The following PMM2 variants were observed in gnomAD, a reference collection of about 807,000 sequenced individuals.
PMM2 encodes phosphomannomutase 2, also known as mannose-6-phosphate isomerase.
A neutral mutation model predicts 33.2 loss-of-function variants in PMM2; 35 were observed. The ratio of observed to expected loss-of-function variants is 1.06; its 90% CI spans 0.81 to 1.40. The LOEUF (loss-of-function observed/expected upper bound fraction) is 1.40, where lower values mean the gene tolerates loss of function less well. Among genes scored for constraint, PMM2 ranks in the 40% most tolerant of loss-of-function variants. The pLI, the probability that PMM2 is intolerant of heterozygous loss-of-function variation, is 0.00. For missense variants in PMM2, 386 were observed against 306.0 expected (o/e 1.26, Z -1.95); for synonymous variants, 153 against 114.7 (o/e 1.33, Z -2.13).
intron 7 of PMM2, among the ~76,000 whole-genome samples, chr16:8,816,299 T>A: frequency 6.6e-6 from 1 of 151,868 alleles, no homozygotes; most frequent in Non-Finnish European, 1.5e-5. Flanking sequence ...GCTAATTTTG[T>A]ATTTTTAGTA....
At position 8,847,856 on chromosome 16, in the gene PMM2, G is replaced by A. The variant is rs1443641886; in HGVS notation, c.*31G>A. The A allele has an allele frequency of 1.3e-6, 2 of 1,544,002 alleles. No homozygotes were observed. Among genetic ancestry groups the A allele is most frequent in the African/African-American group, 1.4e-5 (1 of 73,574 alleles). On this transcript the variant is annotated 3_prime_UTR_variant, in exon 8 of 8. Coordinates refer to ENST00000268261, the MANE Select transcript of PMM2 (RefSeq NM_000303.3). Reference sequence around the variant, plus strand: ...GAGCGGGAGGGGCGGGGTCCCGGCTGACAAGCCAGCATAGGGCATTCGGTG... The same window carrying A: ...GAGCGGGAGGGGCGGGGTCCCGGCTAACAAGCCAGCATAGGGCATTCGGTG...
At chr16:8,832,213 A>G (rs2060814328) in intron 7 of PMM2, 1 of 985,308 alleles carries the variant, frequency 1.0e-6, no homozygotes, top group Non-Finnish European at 1.2e-6. Context: ...AAAGAAGCAG[A>G]CCCTTGGCGG....
At chr16:8,820,550 C>T (rs1258231387) in intron 7 of PMM2, among the ~76,000 whole-genome samples, 1 of 152,116 alleles carries the variant, frequency 6.6e-6, no homozygotes, top group Non-Finnish European at 1.5e-5. Flanking sequence ...GACGGGGTTT[C>T]ACCATCTTGG....
At chr16:8,812,025 T>C (rs1426612957) in intron 6 of PMM2, among the ~76,000 whole-genome samples, 1 of 152,186 alleles carries the variant, frequency 6.6e-6, no homozygotes, top group African/African-American at 2.4e-5. Flanking sequence ...TAGGAACTTC[T>C]CACACCTTTG....
At chr16:8,830,180 C>T (rs78869229) in intron 7 of PMM2, among the ~76,000 whole-genome samples, 1,814 of 152,254 alleles carry the variant, frequency 0.012, 36 homozygotes, top group African/African-American at 0.039. Context: ...ACTAGGTGGC[C>T]GCCTGGGCTG....
chr16:8,818,736 T>C (rs4247100), intron 7 of PMM2, among the ~76,000 whole-genome samples: 122,011 of 151,274 alleles, frequency 0.81, 49,857 homozygotes, highest in East Asian at 0.97. Flanking sequence ...TGGCCGTTGC[T>C]TTTCAAAATA....
At chr16:8,805,224 C>G (rs534650564) in intron 3 of PMM2, among the ~76,000 whole-genome samples, 2 of 152,260 alleles carry the variant, frequency 1.3e-5, no homozygotes, top group Admixed American at 1.3e-4. Context: ...CACGCCACCA[C>G]ACCCAGCTAA....
intron 7 of PMM2, among the ~76,000 whole-genome samples, chr16:8,839,274 GT>G (rs1345669401): frequency 6.6e-6 from 1 of 151,902 alleles, no homozygotes; most frequent in African/African-American, 2.4e-5. Flanking sequence ...GTAGACACAT[GT>G]TAGGTAAAGG....
At chr16:8,818,723 C>T (rs767370780) in intron 7 of PMM2, among the ~76,000 whole-genome samples, 7 of 152,292 alleles carry the variant, frequency 4.6e-5, no homozygotes, top group Admixed American at 2.6e-4. Context: ...GGAAGTGTGG[C>T]GTTGGCCGTT....
chr16:8,818,885 G>T (rs67792030), intron 7 of PMM2, among the ~76,000 whole-genome samples: 23,496 of 152,140 alleles, frequency 0.15, 1,979 homozygotes, highest in East Asian at 0.24. Context: ...GAGAGAGACG[G>T]CAAGGGCAGA....
At chr16:8,837,092 G>C (rs1269337069) in intron 7 of PMM2, among the ~76,000 whole-genome samples, 1 of 151,868 alleles carries the variant, frequency 6.6e-6, no homozygotes, top group Non-Finnish European at 1.5e-5. Flanking sequence ...CTGTAGAAAA[G>C]GAATATTAGA....
In PMM2 at chr16:8,806,364, T is replaced by C; in HGVS notation, c.304T>C (p.Tyr102His). 1 of 1,613,496 alleles carries C rather than the reference T, an allele frequency of 6.2e-7. No homozygotes were observed. The highest frequency in any genetic ancestry group is 8.5e-7 in the Non-Finnish European group (1 of 1,179,382). ...GGCCCTAATCCAAGATTTAATCAAC[T>C]ACTGTCTGAGCTACATTGCGAAAAT... The part of the protein sequence containing the change: ...GEALIQDLIN[Y>H]CLSYIAKIKL... Residue 102 changes from tyrosine to histidine, a missense_variant, in exon 4 of 8, where the codon TAC becomes CAC. Physicochemically the swap from Tyr to His is moderately conservative, Grantham distance 83. Coordinates refer to ENST00000268261, the MANE Select transcript of PMM2 (RefSeq NM_000303.3).
At chr16:8,823,454 T>C (rs993803659) in intron 7 of PMM2, among the ~76,000 whole-genome samples, 1 of 152,186 alleles carries the variant, frequency 6.6e-6, no homozygotes, top group African/African-American at 2.4e-5. Context: ...TTGAAACACT[T>C]TTTTCCCTCT....
At position 8,804,770 on chromosome 16, in the gene PMM2, T is replaced by C. The variant is rs761444777; in HGVS notation, c.182T>C (p.Val61Ala). 7 of 1,611,792 alleles carry C rather than the reference T, an allele frequency of 4.3e-6. No homozygotes were observed. The East Asian group carries it at 1.6e-4, about 36-fold the overall frequency. Residue 61 changes from valine to alanine, a missense_variant, in exon 3 of 8, where the codon GTT becomes GCT. Val to Ala is a moderately conservative substitution (Grantham distance 64, BLOSUM62 0). Coordinates refer to ENST00000268261, the MANE Select transcript of PMM2 (RefSeq NM_000303.3). ...KVQEQLGNDV[V>A]EKYDYVFPEN... is the part of the protein sequence containing the mutation. Reference sequence around the variant, plus strand: ...GTTTTTTTGGTTTTGATTGTAGTGGTTGAAAAATACGATTATGTGTTTCCA... The same window carrying C: ...GTTTTTTTGGTTTTGATTGTAGTGGCTGAAAAATACGATTATGTGTTTCCA...
intron 6 of PMM2, among the ~76,000 whole-genome samples, chr16:8,812,706 T>C (rs1216328590): frequency 1.3e-5 from 2 of 152,204 alleles, no homozygotes; most frequent in African/African-American, 2.4e-5. Context: ...CATGCTTCCT[T>C]TAAACCACAC....
intron 7 of PMM2, chr16:8,842,314 T>C (rs1166612127): frequency 6.6e-6 from 1 of 152,264 alleles, no homozygotes; most frequent in African/African-American, 2.4e-5. Context: ...GGAGCAGAAG[T>C]GTGTCTTGTT....
chr16:8,801,485 A>G (rs1481711830), intron 1 of PMM2, among the ~76,000 whole-genome samples: 7 of 152,194 alleles, frequency 4.6e-5, no homozygotes, highest in Admixed American at 4.6e-4. Flanking sequence ...GGCCTGGGCA[A>G]CATGGCAAAA....
At chr16:8,826,742 T>C (rs1312874187) in intron 7 of PMM2, among the ~76,000 whole-genome samples, 1 of 152,212 alleles carries the variant, frequency 6.6e-6, no homozygotes, top group Admixed American at 6.5e-5. Flanking sequence ...ATTATAAATA[T>C]ATAGACCGAA....
intron 7 of PMM2, among the ~76,000 whole-genome samples, chr16:8,830,783 A>C (rs1405953104): frequency 6.6e-6 from 1 of 152,254 alleles, no homozygotes; most frequent in Non-Finnish European, 1.5e-5. Flanking sequence ...CTACAAAGGC[A>C]GACTGGTCCC....
Sources: allele counts gnomAD v4.1 joint callset (sites outside exome capture counted in the v4.1 genomes callset), GRCh38; gene constraint gnomAD v4.1.1; transcripts MANE v1.5; gene names NCBI Gene and HGNC (gene_info 2026-07-23, HGNC 2026-07-21).